DGKB: variants seen among roughly 807,000 people sequenced by gnomAD.
DGKB encodes the protein 90 kDa diacylglycerol kinase.
In DGKB, 67 loss-of-function variants were observed where a neutral mutation model predicts 114.3. The observed-to-expected ratio is 0.59, with a 90% CI of 0.48 to 0.72. DGKB has a LOEUF of 0.72. Among genes scored for constraint, DGKB ranks in the 30% least tolerant of loss-of-function variants. DGKB has a pLI of 0.00. For synonymous variants in DGKB, 398 were observed against 323.1 expected, an observed-to-expected ratio of 1.23 and a Z score of -2.49; for missense variants, 907 against 975.2, an observed-to-expected ratio of 0.93 and a Z score of 0.93.
At chr7:14,937,479 CTATA>C (rs1785335737) in intron 1 of DGKB, among the ~76,000 whole-genome samples, 1 of 151,992 alleles carries the variant, frequency 6.6e-6, no homozygotes, top group Non-Finnish European at 1.5e-5. Flanking sequence ...AATAACATTA[CTATA>C]TATAGTCTGT....
chr7:14,468,786 C>T (rs934533305), intron 21 of DGKB, among the ~76,000 whole-genome samples: 2 of 151,938 alleles, frequency 1.3e-5, no homozygotes, highest in Non-Finnish European at 2.9e-5. Flanking sequence ...ATCTTGTGGA[C>T]ATCTCTGAAT....
intron 7 of DGKB, among the ~76,000 whole-genome samples, chr7:14,699,784 G>A (rs1244213625): frequency 6.6e-6 from 1 of 151,962 alleles, no homozygotes; most frequent in Non-Finnish European, 1.5e-5. Flanking sequence ...CAAAAAAATA[G>A]AGACTAGTTT....
At chr7:14,710,470 T>G (rs985896477) in intron 6 of DGKB, among the ~76,000 whole-genome samples, 1 of 152,084 alleles carries the variant, frequency 6.6e-6, no homozygotes, top group African/African-American at 2.4e-5. Flanking sequence ...TTTCCCATTC[T>G]CATAAACTTC....
chr7:14,426,064 G>A (rs1827471816), intron 21 of DGKB, among the ~76,000 whole-genome samples: 1 of 152,036 alleles, frequency 6.6e-6, no homozygotes, highest in Admixed American at 6.6e-5. Flanking sequence ...AACCACTATT[G>A]TGGCTACCGC....
chr7:14,413,595 C>A (rs12534002), intron 21 of DGKB, among the ~76,000 whole-genome samples: 1 of 151,918 alleles, frequency 6.6e-6, no homozygotes, highest in Admixed American at 6.6e-5. Context: ...GAGAAGAAGC[C>A]TGAAGCGGGA....
Position 14,165,945 on chromosome 7 carries a change from C to A in DGKB, c.2304+10894G>T, listed in dbSNP as rs143301556. 2.0e-5 allele frequency among the ~76,000 whole-genome samples: 3 copies of A among 152,290 alleles called. No individual in the cohort carries two copies. In the East Asian group the frequency reaches 5.8e-4, roughly 29 times the overall value. On this transcript the variant is annotated intron_variant, in intron 25 of 25. Transcript: ENST00000402815. ...AAGCCTCAGAAGCATGGTATTTCTT[C>A]CTTTCTGAACCTTTTATCCTTAGGC...
chr7:14,701,619 C>A (rs1167139556), intron 7 of DGKB, 62 bp downstream of exon 7: 1 of 1,152,310 alleles, frequency 8.7e-7, no homozygotes, highest in South Asian at 1.3e-5. Flanking sequence ...CAAATTTATT[C>A]ATTGCATTCT....
intron 20 of DGKB, among the ~76,000 whole-genome samples, chr7:14,493,883 A>G (rs1025732970): frequency 4.6e-5 from 7 of 151,696 alleles, no homozygotes; most frequent in African/African-American, 7.3e-5. Context: ...CTTCTCACAT[A>G]TAAAAAAGTC....
chr7:14,375,319 G>A (rs1044061129), intron 21 of DGKB, among the ~76,000 whole-genome samples: 2 of 152,224 alleles, frequency 1.3e-5, no homozygotes, highest in African/African-American at 2.4e-5. Flanking sequence ...AGCCTTTGCT[G>A]ATGTTTCTTT....
intron 23 of DGKB, among the ~76,000 whole-genome samples, chr7:14,313,785 T>C (rs1354998364): frequency 6.6e-6 from 1 of 152,052 alleles, no homozygotes; most frequent in Non-Finnish European, 1.5e-5. Context: ...CCACCACAGC[T>C]CAAGGAGGCC....
At chr7:14,693,076 A>G (rs563817774) in intron 9 of DGKB, among the ~76,000 whole-genome samples, 1 of 152,300 alleles carries the variant, frequency 6.6e-6, no homozygotes, top group South Asian at 2.1e-4. Context: ...AATAACTATG[A>G]TATAGTCTTG....
chr7:14,565,687 C>A (rs899551943), intron 20 of DGKB, among the ~76,000 whole-genome samples: 1 of 152,050 alleles, frequency 6.6e-6, no homozygotes, highest in Non-Finnish European at 1.5e-5. Context: ...TGGACACTGT[C>A]GATTTTATTT....
intron 1 of DGKB, among the ~76,000 whole-genome samples, chr7:14,972,144 C>G (rs1195516732): frequency 1.3e-5 from 2 of 152,068 alleles, no homozygotes; most frequent in African/African-American, 4.8e-5. Flanking sequence ...AAATTAGAGT[C>G]TGGAATGTCT....
At chr7:14,683,235 G>T (rs899347176) in intron 10 of DGKB, among the ~76,000 whole-genome samples, 4 of 152,130 alleles carry the variant, frequency 2.6e-5, no homozygotes, top group Non-Finnish European at 4.4e-5. Context: ...GAGAGCAGCT[G>T]GCGGGTATGG....
At chr7:14,207,137 G>C (rs1786959303) in intron 23 of DGKB, among the ~76,000 whole-genome samples, 2 of 151,994 alleles carry the variant, frequency 1.3e-5, no homozygotes. Context: ...CCTGCCTTTA[G>C]AGGGCTACAG....
intron 5 of DGKB, among the ~76,000 whole-genome samples, chr7:14,734,656 T>A (rs374312807): frequency 2.0e-5 from 3 of 152,252 alleles, no homozygotes; most frequent in African/African-American, 7.2e-5. Flanking sequence ...TTCTTACTAT[T>A]TTTTGTTTGT....
intron 1 of DGKB, among the ~76,000 whole-genome samples, chr7:14,870,047 T>C (rs1369729550): frequency 6.6e-6 from 1 of 152,290 alleles, no homozygotes; most frequent in East Asian, 1.9e-4. Context: ...GAGTTGCATC[T>C]TGGGTGTCTT....
intron 22 of DGKB, among the ~76,000 whole-genome samples, chr7:14,341,386 G>A (rs1811578589): frequency 6.6e-6 from 1 of 151,812 alleles, no homozygotes; most frequent in Non-Finnish European, 1.5e-5. Context: ...TAAAAGCTGA[G>A]GTGAAGGCTA....
chr7:14,474,662 G>T (rs1308053886), intron 21 of DGKB, among the ~76,000 whole-genome samples: 1 of 151,800 alleles, frequency 6.6e-6, no homozygotes, highest in Admixed American at 6.6e-5. Context: ...TTTCAAAAAA[G>T]GAAGTATTTA....
Sources: allele counts gnomAD v4.1 joint callset (sites outside exome capture counted in the v4.1 genomes callset), GRCh38; gene constraint gnomAD v4.1.1; transcripts MANE v1.5; gene names NCBI Gene and HGNC (gene_info 2026-07-23, HGNC 2026-07-21).